IL1RAPL2: variants seen among roughly 807,000 people sequenced by gnomAD.
IL1RAPL2 encodes interleukin 1 receptor accessory protein like 2.
IL1RAPL2 carries 3 observed loss-of-function variants against 44.1 expected under a neutral mutation model. That is an observed-to-expected ratio of 0.07 (90% CI 0.03 to 0.18). The LOEUF is 0.18. Ranked by LOEUF, IL1RAPL2 falls within the 10% of genes least tolerant of loss-of-function variation. The pLI is 1.00. For synonymous variants in IL1RAPL2, 181 were observed against 178.8 expected (o/e 1.01, Z -0.10); for missense variants, 391 against 496.4 (o/e 0.79, Z 2.02).
intron 5 of IL1RAPL2, among the ~76,000 whole-genome samples, chrX:105,412,869 G>C (rs2035707147): frequency 8.9e-6 from 1 of 111,927 alleles, no homozygotes; most frequent in South Asian, 3.7e-4. Flanking sequence ...TATATTTGGA[G>C]TTTAGCAATT....
chrX:105,017,997 C>G (rs953491943), intron 2 of IL1RAPL2, among the ~76,000 whole-genome samples: 1 of 111,458 alleles, frequency 9.0e-6, no homozygotes, highest in African/African-American at 3.3e-5. Flanking sequence ...CTAAGAGAGG[C>G]CTCTTGACCA....
intron 1 of IL1RAPL2, among the ~76,000 whole-genome samples, chrX:104,582,582 CTTTCTTTCTTTCTT>C (rs1224021537): frequency 1.9e-3 from 65 of 34,325 alleles, no homozygotes; most frequent in African/African-American, 4.1e-3. Flanking sequence ...CTTTCTTTTT[CTTTCTTTCTTTCTT>C]TTTCTTTCTT....
rs2033666512 is a variant in IL1RAPL2 at position 105,195,583 on chromosome X, A to G, written c.191A>G (p.Tyr64Cys). The change falls in exon 3 of 11, where the codon TAT becomes TGT. Residue 64 changes from tyrosine (Y) to cysteine (C), a missense_variant. Around this residue, in one of 2 missense-constraint regions of IL1RAPL2, gnomAD observed 159 missense variants for 251.7 expected, o/e 0.63. Coordinates refer to ENST00000372582, the MANE Select transcript of IL1RAPL2 (RefSeq NM_017416.2). ...ALFYSYIRTN[Y>C]STAQSTGLRL... ...TTCTACAGTTATATTCGTACCAACT[A>G]TAGCACGGCCCAGAGCACTGGGCTC... 1.7e-6 allele frequency: 2 copies of G among 1,211,967 alleles called. No homozygotes were observed. Among genetic ancestry groups the G allele is most frequent in the Non-Finnish European group, 1.1e-6 (1 of 895,365 alleles).
chrX:104,710,467 G>A (rs1205721290), intron 2 of IL1RAPL2, among the ~76,000 whole-genome samples: 2 of 110,985 alleles, frequency 1.8e-5, no homozygotes, highest in Non-Finnish European at 1.9e-5. Flanking sequence ...AAGGGCTAAG[G>A]TGAGGCAGAG....
chrX:105,402,650 C>T (rs942270151), intron 5 of IL1RAPL2, among the ~76,000 whole-genome samples: 3 of 111,402 alleles, frequency 2.7e-5, no homozygotes, highest in African/African-American at 9.8e-5. Flanking sequence ...AAATTAAAAT[C>T]TTGTACAGAT....
At chrX:105,234,801 C>A (rs1180420524) in intron 4 of IL1RAPL2, among the ~76,000 whole-genome samples, 8 of 85,641 alleles carry the variant, frequency 9.3e-5, no homozygotes, top group African/African-American at 2.2e-4. Context: ...GAGCGAGACT[C>A]CATCTAAAAA....
intron 5 of IL1RAPL2, among the ~76,000 whole-genome samples, chrX:105,463,743 G>T (rs1173071270): frequency 8.9e-6 from 1 of 112,046 alleles, no homozygotes; most frequent in Non-Finnish European, 1.9e-5. Context: ...TAATGGTTCT[G>T]CTGAGTAATG....
chrX:104,909,263 T>G (rs1273591807), intron 2 of IL1RAPL2, among the ~76,000 whole-genome samples: 2 of 111,582 alleles, frequency 1.8e-5, no homozygotes, highest in African/African-American at 6.5e-5. Context: ...TTTTCAAAGT[T>G]TTCAACATCT....
intron 2 of IL1RAPL2, among the ~76,000 whole-genome samples, chrX:105,152,703 AG>A (rs1480057549): frequency 8.9e-6 from 1 of 112,257 alleles, no homozygotes; most frequent in African/African-American, 3.2e-5. Context: ...GACCTGTAAA[AG>A]GTGATTAGGC....
chrX:104,984,728 A>G (rs1288179413), intron 2 of IL1RAPL2, among the ~76,000 whole-genome samples: 2 of 112,412 alleles, frequency 1.8e-5, no homozygotes, highest in Non-Finnish European at 3.8e-5. Flanking sequence ...ATGTTTCAAA[A>G]GAGTACCTGA....
At chrX:104,984,269 A>G (rs1351762014) in intron 2 of IL1RAPL2, among the ~76,000 whole-genome samples, 2 of 111,788 alleles carry the variant, frequency 1.8e-5, no homozygotes, top group Non-Finnish European at 3.8e-5. Flanking sequence ...TTTTCAAAAC[A>G]TTTAATTGAG....
intron 2 of IL1RAPL2, among the ~76,000 whole-genome samples, chrX:105,053,680 T>A (rs1340587681): frequency 5.4e-5 from 6 of 112,078 alleles, no homozygotes; most frequent in Non-Finnish European, 1.1e-4. Flanking sequence ...AAATGACATA[T>A]AACAAAACCA....
rs1474905990 is a variant in IL1RAPL2 at position 104,660,117 on chromosome X, C to G, written c.82+1122C>G. On this transcript the variant is annotated intron_variant, in intron 2 of 10. Transcript: ENST00000372582. Reference sequence around the variant, plus strand: ...TTTTTCTCTTCTTATAGATTCAGGTCTATATTTAAATTACTTTTGTATGTT... The same window carrying G: ...TTTTTCTCTTCTTATAGATTCAGGTGTATATTTAAATTACTTTTGTATGTT... 1.7e-4 allele frequency among the ~76,000 whole-genome samples: 19 copies of G among 111,135 alleles called. No individual in the cohort carries two copies. The Admixed American group carries it at 1.8e-3, about 11-fold the overall frequency.
chrX:105,469,441 T>C (rs1382590679), intron 5 of IL1RAPL2, among the ~76,000 whole-genome samples: 1 of 110,596 alleles, frequency 9.0e-6, no homozygotes, highest in African/African-American at 3.3e-5. Context: ...AGGTATAACA[T>C]ACAAAGAAAC....
chrX:104,692,337 G>A (rs992701065), intron 2 of IL1RAPL2, among the ~76,000 whole-genome samples: 12 of 110,149 alleles, frequency 1.1e-4, no homozygotes, highest in Admixed American at 2.9e-4. Flanking sequence ...ACAATGTACT[G>A]TAAGAGGATT....
Position 105,144,920 on chromosome X carries a change from C to G in IL1RAPL2, c.83-50555C>G, listed in dbSNP as rs773320896. Among the ~76,000 whole-genome samples the G allele has an allele frequency of 4.5e-5, 5 of 110,947 alleles. No individual in the cohort carries two copies. The East Asian group carries it at 1.1e-3, about 25-fold the overall frequency. ...AGCTAGTCAGGTACCTCTTCTTGCC[C>G]CCAAATCACCCTATATTCCCCGCCA... On this transcript the variant is annotated intron_variant, in intron 2 of 10. Coordinates refer to ENST00000372582, the MANE Select transcript of IL1RAPL2 (RefSeq NM_017416.2).
At chrX:105,585,328 A>G in intron 6 of IL1RAPL2, among the ~76,000 whole-genome samples, 1 of 107,872 alleles carries the variant, frequency 9.3e-6, no homozygotes. Flanking sequence ...GCATGTTGTC[A>G]GACTCAGTTG....
chrX:104,971,477 G>A lies in IL1RAPL2; in HGVS notation c.83-223998G>A, dbSNP rs2030235432. On this transcript the variant is annotated intron_variant, in intron 2 of 10. Transcript: ENST00000372582. ...CTGGTTATATCTATGTAACCAGGTAGCTTGCTTATAGATCTTTTGAATGTT... is the reference window on the plus strand; with the variant it reads ...CTGGTTATATCTATGTAACCAGGTAACTTGCTTATAGATCTTTTGAATGTT... 6.3e-5 allele frequency among the ~76,000 whole-genome samples: 7 copies of A among 111,853 alleles called. No individual in the cohort carries two copies. In the South Asian group the frequency reaches 2.6e-3, roughly 42 times the overall value.
intron 6 of IL1RAPL2, among the ~76,000 whole-genome samples, chrX:105,659,583 G>T (rs1016001188): frequency 9.2e-6 from 1 of 108,653 alleles, no homozygotes; most frequent in African/African-American, 3.4e-5. Flanking sequence ...CGTGAACCCG[G>T]GAGGCAGAGC....
Sources: gnomAD v4.1 joint callset for allele counts (sites outside exome capture counted in the v4.1 genomes callset) on GRCh38, gnomAD v4.1.1 for gene constraint, gnomAD v4.1.1 regional missense constraint, MANE v1.5 for transcripts, NCBI Gene and HGNC (gene_info 2026-07-23, HGNC 2026-07-21) for gene names.